Variants in GTF2A1L observed in about 807,000 individuals in gnomAD.
GTF2A1L encodes the protein general transcription factor IIA subunit 1 like, also known as TFIIA-alpha and beta-like factor.
A neutral mutation model predicts 49.7 loss-of-function variants in GTF2A1L; 48 were observed. The ratio of observed to expected loss-of-function variants is 0.97; its 90% confidence interval spans 0.77 to 1.23. The LOEUF is 1.23. Ranked by LOEUF, GTF2A1L falls within the 50% of genes most tolerant of loss-of-function variation. The pLI is 0.00. For missense variants in GTF2A1L, 736 were observed against 564.8 expected (o/e 1.30, Z -3.07); for synonymous variants, 246 against 193.5 (o/e 1.27, Z -2.25).
intron 3 of GTF2A1L, among the ~76,000 whole-genome samples, chr2:48,634,054 C>G (rs1329486005): frequency 6.6e-6 from 1 of 152,080 alleles, no homozygotes; most frequent in African/African-American, 2.4e-5. Flanking sequence ...TAACTTGCCA[C>G]TTTGTGCCTT....
chr2:48,634,616 C>T (rs1048104429), intron 3 of GTF2A1L, among the ~76,000 whole-genome samples: 5 of 152,156 alleles, frequency 3.3e-5, no homozygotes, highest in African/African-American at 1.2e-4. Flanking sequence ...TTAATGCTTG[C>T]ATGTCTGAAA....
rs1171977488 is a variant in GTF2A1L, at chr2:48,679,599, C to T, written c.*157C>T. 4 of 1,383,006 alleles carry T rather than the reference C, an allele frequency of 2.9e-6. No homozygotes were observed. Among genetic ancestry groups the T allele is most frequent in the Admixed American group, 7.1e-5 (2 of 28,144 alleles). 85.7% of individuals were successfully genotyped at this position (1,383,006 alleles called of 1,614,324 possible). ...TAAAATTATAATTCAGATGCAGATA[C>T]AATTACACAATTTTATATGTATTTT... On this transcript the variant is annotated 3_prime_UTR_variant, in exon 9 of 9. Coordinates refer to ENST00000403751, the MANE Select transcript of GTF2A1L (RefSeq NM_006872.5).
chr2:48,660,900 C>T (rs913904853), intron 6 of GTF2A1L, among the ~76,000 whole-genome samples: 8 of 152,164 alleles, frequency 5.3e-5, no homozygotes, highest in Non-Finnish European at 1.2e-4. Context: ...CTCGGCCTCT[C>T]AGAGTGTTGT....
At position 48,646,509 on chromosome 2, in the gene GTF2A1L, G is replaced by A; in HGVS notation, c.445G>A (p.Gly149Ser). ...IMVTETSGRA[G>S]ILQHPIQQVF... ...GGTGACAGAGACTTCTGGAAGAGCA[G>A]GTATTCTTCAGCATCCAATTCAGCA... The change falls in exon 6 of 9, where the codon GGT becomes AGT. Residue 149 changes from glycine to serine, a missense_variant. Coordinates refer to ENST00000403751, the MANE Select transcript of GTF2A1L (RefSeq NM_006872.5). 4 of 1,613,904 alleles carry A rather than the reference G, an allele frequency of 2.5e-6. No homozygotes were observed. The highest frequency in any genetic ancestry group is 3.4e-6 in the Non-Finnish European group (4 of 1,179,986).
intron 8 of GTF2A1L, among the ~76,000 whole-genome samples, chr2:48,675,834 G>A (rs895768215): frequency 1.3e-5 from 2 of 151,438 alleles, no homozygotes; most frequent in African/African-American, 4.8e-5. Context: ...TACAGAGAGA[G>A]ATATGTATAT....
At chr2:48,667,508 G>A (rs1043825999) in intron 6 of GTF2A1L, among the ~76,000 whole-genome samples, 1 of 152,040 alleles carries the variant, frequency 6.6e-6, no homozygotes, top group African/African-American at 2.4e-5. Context: ...TGGGCTGTGG[G>A]CCCTCTAAGA....
chr2:48,655,551 A>C (rs896599894), intron 6 of GTF2A1L, among the ~76,000 whole-genome samples: 5 of 152,150 alleles, frequency 3.3e-5, no homozygotes, highest in African/African-American at 1.2e-4. Context: ...TTTGAAGTAC[A>C]TTGCCACAAT....
chr2:48,647,016 C>T lies in GTF2A1L; in HGVS notation c.952C>T (p.Pro318Ser), dbSNP rs1309506880. The change falls in exon 6 of 9, where the codon CCC (proline) becomes TCC (serine). Residue 318 changes from proline (P) to serine (S), a missense_variant. Transcript: ENST00000403751. ...AAAGCAACCAAGAAATATAGAGGAA[C>T]CCAGCAACATACCTGTATCAGAGAA... ...SVKQPRNIEEPSNIPVSEKDS... is the reference protein window; with the variant it reads ...SVKQPRNIEESSNIPVSEKDS... The T allele has an allele frequency of 1.9e-6, 3 of 1,611,872 alleles. No individual in the cohort carries two copies. The African/African-American group carries it at 4.0e-5, about 22-fold the overall frequency.
At chr2:48,628,423 T>G (rs1326556599) in intron 3 of GTF2A1L, among the ~76,000 whole-genome samples, 1 of 144,208 alleles carries the variant, frequency 6.9e-6, no homozygotes, top group East Asian at 1.9e-4. Flanking sequence ...CCATTGTGAC[T>G]GGTGTGAGGT....
chr2:48,623,891 TG>T (rs1179691834), intron 3 of GTF2A1L, among the ~76,000 whole-genome samples: 17 of 152,072 alleles, frequency 1.1e-4, no homozygotes, highest in Admixed American at 1.1e-3. Context: ...GTGCGAACAC[TG>T]GGTACTCCAA....
chr2:48,624,745 C>T lies in GTF2A1L; in HGVS notation c.247+3455C>T, dbSNP rs954906642. Among the ~76,000 whole-genome samples the T allele has an allele frequency of 1.1e-4, 10 of 91,126 alleles. 2 individuals are homozygous for T. Among genetic ancestry groups the T allele is most frequent in the Non-Finnish European group, 2.4e-4 (10 of 42,148 alleles). The allele number at this position is 91,126 out of a possible 152,430, so 59.8% of individuals were successfully genotyped here. A position where few individuals can be genotyped will look rare whatever the true frequency, so the allele number is the denominator to read the frequency against. Reference sequence around the variant, plus strand: ...CCTCTGGTAACTGCTATTTTATTCTCTATGTCTGTATTTGTGGTTTTTTTT... The same window carrying T: ...CCTCTGGTAACTGCTATTTTATTCTTTATGTCTGTATTTGTGGTTTTTTTT... On this transcript the variant is annotated intron_variant, in intron 3 of 8. Transcript: ENST00000403751.
chr2:48,646,600 C>A lies in GTF2A1L; in HGVS notation c.536C>A (p.Ser179Tyr), dbSNP rs1427134704. ...AGTGTTCCACAATTGAATCCATGGT[C>A]TCTTCAAGCAACTACTGAAAAATCA... ...QTSVPQLNPW[S>Y]LQATTEKSQR... The change falls in exon 6 of 9, where the codon TCT (serine) becomes TAT (tyrosine). Residue 179 changes from serine (S) to tyrosine (Y), a missense_variant. Coordinates refer to ENST00000403751, the MANE Select transcript of GTF2A1L (RefSeq NM_006872.5). 1 of 1,614,148 alleles carries A rather than the reference C, an allele frequency of 6.2e-7. No homozygotes were observed. Among genetic ancestry groups the A allele is most frequent in the Non-Finnish European group, 8.5e-7 (1 of 1,180,028 alleles).
chr2:48,638,016 C>T (rs367644184), intron 3 of GTF2A1L, among the ~76,000 whole-genome samples: 4 of 152,132 alleles, frequency 2.6e-5, no homozygotes, highest in African/African-American at 7.2e-5. Context: ...TACACCCTCC[C>T]AAGACTTAAC....
At chr2:48,653,301 G>C (rs1677974950) in intron 6 of GTF2A1L, among the ~76,000 whole-genome samples, 1 of 150,240 alleles carries the variant, frequency 6.7e-6, no homozygotes, top group Non-Finnish European at 1.5e-5. Context: ...TCTTTTAAAA[G>C]GTAGCTTTTA....
chr2:48,623,064 A>G (rs907421870), intron 3 of GTF2A1L, among the ~76,000 whole-genome samples: 4 of 152,154 alleles, frequency 2.6e-5, no homozygotes, highest in African/African-American at 9.7e-5. Flanking sequence ...CTTCTACATC[A>G]TTTATAATGA....
intron 8 of GTF2A1L, among the ~76,000 whole-genome samples, chr2:48,673,814 G>C (rs1193529251): frequency 6.6e-6 from 1 of 152,166 alleles, no homozygotes; most frequent in Non-Finnish European, 1.5e-5. Flanking sequence ...GTGTCTCTGT[G>C]TCTTCAGAGA....
At chr2:48,661,665 T>C (rs886998047) in intron 6 of GTF2A1L, among the ~76,000 whole-genome samples, 1 of 151,572 alleles carries the variant, frequency 6.6e-6, no homozygotes, top group Non-Finnish European at 1.5e-5. Flanking sequence ...TATTTTTTCC[T>C]TTTTAAATAA....
intron 3 of GTF2A1L, among the ~76,000 whole-genome samples, chr2:48,634,138 A>T (rs1676747620): frequency 6.6e-6 from 1 of 152,084 alleles, no homozygotes; most frequent in Non-Finnish European, 1.5e-5. Flanking sequence ...ATTGAGAAGG[A>T]GTCTTGCTCT....
intron 3 of GTF2A1L, 21 bp from the exon 4 acceptor site, chr2:48,642,381 T>C: frequency 1.3e-6 from 2 of 1,554,324 alleles, no homozygotes; most frequent in Non-Finnish European, 1.8e-6. Context: ...TGAATGTATA[T>C]TTATTTTGTT....
Sources: gnomAD v4.1 joint callset for allele counts (sites outside exome capture counted in the v4.1 genomes callset) on GRCh38, gnomAD v4.1.1 for gene constraint, MANE v1.5 for transcripts, NCBI Gene and HGNC (gene_info 2026-07-23, HGNC 2026-07-21) for gene names.